Variants in NRN1 observed in about 807,000 individuals in gnomAD.
NRN1 encodes neuritin.
A neutral mutation model predicts 15.0 loss-of-function variants in NRN1; 4 were observed. The ratio of observed to expected loss-of-function variants is 0.27; its 90% CI spans 0.13 to 0.61. The LOEUF (loss-of-function observed/expected upper bound fraction) is 0.61. NRN1 is among the 20% of genes least tolerant of loss of function. The pLI, the probability that NRN1 is intolerant of heterozygous loss-of-function variation, is 0.87. For missense variants in NRN1, 134 were observed against 181.9 expected (o/e 0.74, Z 1.51); for synonymous variants, 85 against 79.8 (o/e 1.07, Z -0.35).
intron 2 of NRN1, among the ~76,000 whole-genome samples, chr6:6,001,002 A>G (rs562601931): frequency 6.6e-6 from 1 of 152,164 alleles, no homozygotes; most frequent in African/African-American, 2.4e-5. Context: ...AGGATTTGGG[A>G]GCTGCTCTAT....
chr6:6,004,918 C>T (rs993876753), intron 1 of NRN1, among the ~76,000 whole-genome samples: 2 of 152,062 alleles, frequency 1.3e-5, no homozygotes, highest in Admixed American at 6.6e-5. Flanking sequence ...TCTACCTCCC[C>T]GCCCCTCCCA....
Position 6,000,748 on chromosome 6 carries a change from T to TTTTTTTTTTTTTTTA in NRN1, c.201-1545_201-1544insTAAAAAAAAAAAAAA, listed in dbSNP as rs1554145373. Among the ~76,000 whole-genome samples, 272 of 99,112 alleles carry TTTTTTTTTTTTTTTA rather than the reference T, an allele frequency of 2.7e-3. 43 individuals carry two copies. The highest frequency in any genetic ancestry group is 0.014 in the Middle Eastern group (2 of 148). 65.0% of individuals were successfully genotyped at this position (99,112 alleles called of 152,430 possible). ...TTTTTTTTTTTTTTTTTTTTTTTTT[T>TTTTTTTTTTTTTTTA]ATGTACGCCCAGATGAGGGCAGAGT... On this transcript the variant is annotated intron_variant, in intron 2 of 2. Transcript: ENST00000244766.
chr6:5,999,494 G>T lies in NRN1; in HGVS notation c.201-290C>A, dbSNP rs553006525. ...GGACTAGGCAGCCGGGAGCCGGGCC[G>T]TGCACCCGCTGTGGCGCGCTGGCAC... On this transcript the variant is annotated intron_variant, in intron 2 of 2. Transcript: ENST00000244766. 1.0e-4 allele frequency among the ~76,000 whole-genome samples: 16 copies of T among 152,384 alleles called. 1 individual carries two copies. In the South Asian group the frequency reaches 3.1e-3, roughly 30 times the overall value.
chr6:6,002,621 G>T, intron 1 of NRN1, 124 bp from the exon 2 acceptor site: 1 of 1,286,596 alleles, frequency 7.8e-7, no homozygotes, highest in Non-Finnish European at 1.1e-6. Flanking sequence ...CCAGCGCCCA[G>T]CCTCGGGGCT....
intron 1 of NRN1, chr6:6,003,133 G>T (rs1368391488): frequency 6.9e-6 from 8 of 1,157,724 alleles, no homozygotes; most frequent in Non-Finnish European, 8.7e-6. Context: ...AGCAGTTACC[G>T]AAATGGATTG....
Position 5,999,050 on chromosome 6 carries a change from C to G in NRN1, c.355G>C (p.Gly119Arg). ...ELCGSGNGAA[G>R]SLLPAFPVLL... ...ACCGGGAACGCCGGGAGCAGGGACC[C>G]CGCCGCCCCGTTGCCGCTGCCGCAG... The change falls in exon 3 of 3, where the codon GGG becomes CGG. Residue 119 changes from glycine to arginine, a missense_variant. Transcript: ENST00000244766. The G allele has an allele frequency of 8.1e-6, 13 of 1,613,944 alleles. No individual in the cohort carries two copies. The highest frequency in any genetic ancestry group is 1.1e-5 in the Non-Finnish European group (13 of 1,179,944).
In NRN1 at chr6:6,000,722, C is replaced by CTTTTTTTTTTTTTT. The variant is rs55712329; in HGVS notation, c.201-1532_201-1519dup. On this transcript the variant is annotated intron_variant, in intron 2 of 2. Coordinates refer to ENST00000244766, the MANE Select transcript of NRN1 (RefSeq NM_016588.3). Reference sequence around the variant, plus strand: ...CCTGCTAAAGGATGCCTAAATTGCTCTTTTTTTTTTTTTTTTTTTTTTTTT... The same window carrying CTTTTTTTTTTTTTT: ...CCTGCTAAAGGATGCCTAAATTGCTCTTTTTTTTTTTTTTTTTTTTTTTTTTTTTTTTTTTTTTT... 2.3e-4 allele frequency among the ~76,000 whole-genome samples: 14 copies of CTTTTTTTTTTTTTT among 60,858 alleles called. 1 individual carries two copies. The highest frequency in any genetic ancestry group is 6.0e-4 in the African/African-American group (9 of 14,970). The allele number at this position is 60,858 out of a possible 152,430, so 39.9% of individuals were successfully genotyped here.
At chr6:6,002,589 T>A (rs922649406) in intron 1 of NRN1, 92 bp from the exon 2 acceptor site, 1 of 1,511,108 alleles carries the variant, frequency 6.6e-7, no homozygotes, top group African/African-American at 1.4e-5. Flanking sequence ...CCGCGCGGCC[T>A]CATCGCATCG....
chr6:6,004,904 CTCT>C (rs1398941225), intron 1 of NRN1, among the ~76,000 whole-genome samples: 1 of 152,082 alleles, frequency 6.6e-6, no homozygotes. Context: ...GTTCACCACA[CTCT>C]TCTACCTCCC....
At chr6:6,001,678 T>A (rs909067974) in intron 2 of NRN1, among the ~76,000 whole-genome samples, 1 of 152,170 alleles carries the variant, frequency 6.6e-6, no homozygotes, top group African/African-American at 2.4e-5. Flanking sequence ...TCAAAGCGAC[T>A]ATCACTGGAC....
chr6:6,004,102 T>G (rs1758043014), intron 1 of NRN1: 2 of 1,016,148 alleles, frequency 2.0e-6, no homozygotes, highest in South Asian at 9.4e-5. Flanking sequence ...AGGCGGGCCT[T>G]GCGCTTTTTA....
Position 5,999,063 on chromosome 6 carries a change from G to T in NRN1, c.342C>A (p.Gly114=). ...QGSLFELCGS[G]NGAAGSLLPA... is the part of the protein sequence containing the mutation. ...GGAGCAGGGACCCCGCCGCCCCGTT[G>T]CCGCTGCCGCAGAGTTCGAATAAGC... The change falls in exon 3 of 3, where the codon GGC becomes GGA. Residue 114 remains glycine, a synonymous_variant. Transcript: ENST00000244766. The T allele has an allele frequency of 6.2e-7, 1 of 1,614,110 alleles. No individual in the cohort carries two copies. Among genetic ancestry groups the T allele is most frequent in the Non-Finnish European group, 8.5e-7 (1 of 1,180,008 alleles).
At chr6:6,003,869 G>T (rs1758035948) in intron 1 of NRN1, 8 of 1,231,940 alleles carry the variant, frequency 6.5e-6, no homozygotes, top group Non-Finnish European at 8.1e-6. Flanking sequence ...ATCGAAATCC[G>T]CACTGGCGCC....
At chr6:6,004,495 T>C (rs972415357) in intron 1 of NRN1, among the ~76,000 whole-genome samples, 1 of 152,312 alleles carries the variant, frequency 6.6e-6, no homozygotes, top group East Asian at 1.9e-4. Flanking sequence ...TTAAGGGGAA[T>C]TGGGGCTCGC....
intron 1 of NRN1, chr6:6,003,807 G>C: frequency 8.1e-7 from 1 of 1,233,806 alleles, no homozygotes; most frequent in East Asian, 3.2e-5. Context: ...GGCGCCGGGA[G>C]GGCGCCAGAG....
At chr6:6,004,505 C>T (rs1758056403) in intron 1 of NRN1, among the ~76,000 whole-genome samples, 1 of 152,232 alleles carries the variant, frequency 6.6e-6, no homozygotes, top group Non-Finnish European at 1.5e-5. Flanking sequence ...TTGGGGCTCG[C>T]CGGGGGCGGG....
intron 1 of NRN1, chr6:6,003,240 G>C: frequency 8.1e-7 from 1 of 1,234,550 alleles, no homozygotes; most frequent in Non-Finnish European, 1.0e-6. Flanking sequence ...GGGCAGCCTG[G>C]ACGTCCTGAG....
intron 1 of NRN1, among the ~76,000 whole-genome samples, chr6:6,005,703 T>C (rs1347444313): frequency 6.6e-6 from 1 of 152,234 alleles, no homozygotes; most frequent in Non-Finnish European, 1.5e-5. Flanking sequence ...GAGTTTCTTT[T>C]TTCCCCCGTG....
At chr6:6,003,082 A>C in intron 1 of NRN1, 1 of 754,790 alleles carries the variant, frequency 1.3e-6, no homozygotes, top group Non-Finnish European at 1.8e-6. Context: ...CTCAGCAAAC[A>C]CTGCTGAATG....
Sources: allele counts gnomAD v4.1 joint callset (sites outside exome capture counted in the v4.1 genomes callset), GRCh38; gene constraint gnomAD v4.1.1; transcripts MANE v1.5; gene names NCBI Gene and HGNC (gene_info 2026-07-23, HGNC 2026-07-21).